SPTBN1: variants seen among roughly 807,000 people sequenced by gnomAD.
SPTBN1 encodes the protein spectrin beta chain, non-erythrocytic 1.
Under a neutral mutation model 266.4 loss-of-function variants are expected in SPTBN1, and 32 were observed. The ratio of observed to expected loss-of-function variants is 0.12; its 90% CI spans 0.09 to 0.16. The LOEUF is 0.16. Among genes scored for constraint, SPTBN1 ranks in the 10% least tolerant of loss-of-function variants. SPTBN1 has a pLI of 1.00. For synonymous variants in SPTBN1, 1,336 were observed against 1,162.2 expected (o/e 1.15, Z -3.04); for missense variants, 2,296 against 3,067.1 (o/e 0.75, Z 5.94).
intron 18 of SPTBN1, among the ~76,000 whole-genome samples, chr2:54,642,016 C>G (rs1341983997): frequency 2.0e-5 from 3 of 152,182 alleles, no homozygotes; most frequent in Admixed American, 2.0e-4. Context: ...GACATGGTCC[C>G]TTCAGTTGGT....
At chr2:54,596,242 G>A (rs1025251952) in intron 2 of SPTBN1, among the ~76,000 whole-genome samples, 1 of 152,184 alleles carries the variant, frequency 6.6e-6, no homozygotes, top group African/African-American at 2.4e-5. Context: ...GCTGGGTGGG[G>A]AGTGCAGGGG....
In SPTBN1 at chr2:54,558,241, G is replaced by A. The variant is rs919403307; in HGVS notation, c.148+31675G>A. 1 of 985,226 alleles carries A rather than the reference G, an allele frequency of 1.0e-6. No individual in the cohort carries two copies. The highest frequency in any genetic ancestry group is 1.7e-5 in the African/African-American group (1 of 57,230). The allele number at this position is 985,226 out of a possible 1,614,324, so 61.0% of individuals were successfully genotyped here. A position where few individuals can be genotyped will look rare whatever the true frequency, so the allele number is the denominator to read the frequency against. On this transcript the variant is annotated intron_variant, in intron 2 of 35. Transcript: ENST00000356805. This position sits in a 1 kb window ranked among gnomAD's most constrained non-coding sequence, Gnocchi z 4.6. ...GTGCGGGACCGGTAGGGGGTCGCGG[G>A]CCGGCTAGGCTCCCCCGCGCCCCTC...
intron 18 of SPTBN1, among the ~76,000 whole-genome samples, chr2:54,638,281 T>C (rs1276876676): frequency 6.6e-6 from 1 of 152,228 alleles, no homozygotes; most frequent in Non-Finnish European, 1.5e-5. Flanking sequence ...TAGAAGTATT[T>C]AGTGTCATGC....
At chr2:54,648,519 C>A (rs1680062557) in intron 24 of SPTBN1, among the ~76,000 whole-genome samples, 1 of 152,242 alleles carries the variant, frequency 6.6e-6, no homozygotes, top group Non-Finnish European at 1.5e-5. Flanking sequence ...GTCCCTCTGG[C>A]AGCATGGTAC....
intron 18 of SPTBN1, among the ~76,000 whole-genome samples, chr2:54,638,800 T>C (rs1175334253): frequency 1.3e-5 from 2 of 152,128 alleles, no homozygotes; most frequent in African/African-American, 4.8e-5. Flanking sequence ...GGGGGTAGAA[T>C]CAGGTCATAC....
At chr2:54,516,644 G>T (rs1670123394) in intron 1 of SPTBN1, among the ~76,000 whole-genome samples, 1 of 152,164 alleles carries the variant, frequency 6.6e-6, no homozygotes, top group Admixed American at 6.5e-5. Flanking sequence ...AGGCTCTTGG[G>T]TTAGATTGAA....
intron 34 of SPTBN1, among the ~76,000 whole-genome samples, chr2:54,666,711 A>T (rs1681393136): frequency 1.3e-5 from 2 of 152,204 alleles, no homozygotes; most frequent in African/African-American, 4.8e-5. Context: ...AAATTATTTT[A>T]TCTTGTAAAA....
At chr2:54,610,894 TA>T (rs1677162397) in intron 3 of SPTBN1, among the ~76,000 whole-genome samples, 2 of 152,244 alleles carry the variant, frequency 1.3e-5, no homozygotes, top group African/African-American at 4.8e-5. Flanking sequence ...GATGGCTTTT[TA>T]CTGTGATACC....
chr2:54,660,975 C>G (rs923182364), intron 32 of SPTBN1: 3 of 985,416 alleles, frequency 3.0e-6, no homozygotes, highest in Non-Finnish European at 3.6e-6. Flanking sequence ...ACAAATGGAA[C>G]AGAAGCCATT....
chr2:54,474,981 C>G (rs1252750505), intron 1 of SPTBN1, among the ~76,000 whole-genome samples: 2 of 152,004 alleles, frequency 1.3e-5, no homozygotes, highest in Non-Finnish European at 2.9e-5. Flanking sequence ...CGAGACCAAC[C>G]TGGCCACATG....
intron 3 of SPTBN1, among the ~76,000 whole-genome samples, chr2:54,604,732 A>C (rs1282150707): frequency 6.6e-6 from 1 of 152,204 alleles, no homozygotes; most frequent in Non-Finnish European, 1.5e-5. Flanking sequence ...TGGCTGGTAA[A>C]GGTTTAGGAC....
At chr2:54,479,401 G>A (rs1397499123) in intron 1 of SPTBN1, among the ~76,000 whole-genome samples, 2 of 152,216 alleles carry the variant, frequency 1.3e-5, no homozygotes, top group Non-Finnish European at 2.9e-5. Flanking sequence ...GTATTTTACA[G>A]TGGTTAGGTT....
chr2:54,560,374 A>G (rs1198489033), intron 2 of SPTBN1, among the ~76,000 whole-genome samples: 1 of 152,082 alleles, frequency 6.6e-6, no homozygotes, highest in Non-Finnish European at 1.5e-5. Flanking sequence ...AAGTCTCAGA[A>G]AAAAAGCAAA....
At chr2:54,534,563 ATGGTT>A (rs1214257742) in intron 2 of SPTBN1, among the ~76,000 whole-genome samples, 1 of 152,178 alleles carries the variant, frequency 6.6e-6, no homozygotes, top group Non-Finnish European at 1.5e-5. Context: ...AATGGTTTCC[ATGGTT>A]TTCTCACCAT....
chr2:54,542,982 T>G lies in SPTBN1; in HGVS notation c.148+16416T>G, dbSNP rs569827132. Among the ~76,000 whole-genome samples the G allele has an allele frequency of 2.0e-5, 3 of 152,348 alleles. No homozygotes were observed. In the East Asian group the frequency reaches 5.8e-4, roughly 29 times the overall value. Reference sequence around the variant, plus strand: ...ATATTTGTCTGTATTCTGTCCAGCCTTTGGAAACTGTATGGGCCCTGAGGC... The same window carrying G: ...ATATTTGTCTGTATTCTGTCCAGCCGTTGGAAACTGTATGGGCCCTGAGGC... On this transcript the variant is annotated intron_variant, in intron 2 of 35. Coordinates refer to ENST00000356805, the MANE Select transcript of SPTBN1 (RefSeq NM_003128.3).
chr2:54,597,259 A>G (rs4577321), intron 2 of SPTBN1, among the ~76,000 whole-genome samples: 41,732 of 152,154 alleles, frequency 0.27, 7,652 homozygotes, highest in African/African-American at 0.53. Context: ...CTGCTCTTTC[A>G]GAATGGCCAA....
intron 2 of SPTBN1, among the ~76,000 whole-genome samples, chr2:54,534,331 A>T (rs1325171415): frequency 6.6e-6 from 1 of 152,144 alleles, no homozygotes; most frequent in African/African-American, 2.4e-5. Context: ...TATTTTCCTC[A>T]TCTACTCTTC....
intron 2 of SPTBN1, among the ~76,000 whole-genome samples, chr2:54,530,220 C>A (rs1419643984): frequency 6.6e-6 from 1 of 152,104 alleles, no homozygotes. Context: ...GGAACCACCA[C>A]CTGTGCCCTT....
At chr2:54,471,197 G>C (rs573361856) in intron 1 of SPTBN1, among the ~76,000 whole-genome samples, 1 of 152,144 alleles carries the variant, frequency 6.6e-6, no homozygotes, top group African/African-American at 2.4e-5. Flanking sequence ...CAGCTTGGGC[G>C]ACATGGTGAG....
Sources: gnomAD v4.1 joint callset for allele counts (sites outside exome capture counted in the v4.1 genomes callset) on GRCh38, gnomAD v4.1.1 for gene constraint, Gnocchi (gnomAD v3.1) non-coding constraint, MANE v1.5 for transcripts, NCBI Gene and HGNC (gene_info 2026-07-23, HGNC 2026-07-21) for gene names.